The following MYO5B variants were observed in gnomAD, a reference collection of about 807,000 sequenced individuals.
MYO5B encodes myosin VB.
A neutral mutation model predicts 229.3 loss-of-function variants in MYO5B; 143 were observed. The observed-to-expected ratio is 0.62, with a 90% CI of 0.54 to 0.72. MYO5B has a LOEUF of 0.72. Ranked by LOEUF, MYO5B falls within the 30% of genes least tolerant of loss-of-function variation. The pLI is 0.00. For synonymous variants in MYO5B, 918 were observed against 885.2 expected, an observed-to-expected ratio of 1.04 and a Z score of -0.66; for missense variants, 2,321 against 2,331.0, an observed-to-expected ratio of 1.00 and a Z score of 0.09.
chr18:50,136,364 C>CTTTTTT (rs11426659), intron 1 of MYO5B, among the ~76,000 whole-genome samples: 1 of 131,782 alleles, frequency 7.6e-6, no homozygotes, highest in Non-Finnish European at 1.6e-5. Context: ...TTTTTTTTTA[C>CTTTTTT]TTTTTTTTTT....
chr18:50,190,080 T>C (rs1899670266), intron 1 of MYO5B, among the ~76,000 whole-genome samples: 1 of 152,204 alleles, frequency 6.6e-6, no homozygotes, highest in African/African-American at 2.4e-5. Flanking sequence ...CCAGTTTCAA[T>C]TTGATGATTT....
chr18:49,849,126 G>T (rs981665386), intron 32 of MYO5B, among the ~76,000 whole-genome samples: 4 of 152,102 alleles, frequency 2.6e-5, no homozygotes, highest in Non-Finnish European at 5.9e-5. Flanking sequence ...CTTTCTGGAA[G>T]AGTGATTTAA....
At chr18:50,057,306 T>C (rs1360626315) in intron 1 of MYO5B, among the ~76,000 whole-genome samples, 2 of 152,340 alleles carry the variant, frequency 1.3e-5, no homozygotes, top group South Asian at 4.1e-4. Flanking sequence ...TGAGTTCCAC[T>C]CCTGGGACTC....
intron 1 of MYO5B, among the ~76,000 whole-genome samples, chr18:50,130,679 G>A (rs879475997): frequency 1.4e-4 from 22 of 152,262 alleles, no homozygotes; most frequent in South Asian, 1.0e-3. Flanking sequence ...TAAGAACACC[G>A]GTGAAATACA....
intron 12 of MYO5B, among the ~76,000 whole-genome samples, chr18:49,956,716 G>C (rs2025496328): frequency 6.6e-6 from 1 of 152,156 alleles, no homozygotes; most frequent in African/African-American, 2.4e-5. Flanking sequence ...AAGCAACGCA[G>C]AGAGACCACT....
intron 27 of MYO5B, among the ~76,000 whole-genome samples, chr18:49,869,691 A>G (rs1231381416): frequency 6.6e-6 from 1 of 152,142 alleles, no homozygotes; most frequent in Non-Finnish European, 1.5e-5. Flanking sequence ...GGAGTCCGGG[A>G]GGCAGTTTCA....
chr18:49,886,521 G>T (rs2024643496), intron 22 of MYO5B, among the ~76,000 whole-genome samples: 1 of 152,140 alleles, frequency 6.6e-6, no homozygotes, highest in Non-Finnish European at 1.5e-5. Flanking sequence ...GGTATGGAGA[G>T]TCAGGCAAAG....
At chr18:50,036,116 T>C (rs1233183679) in intron 4 of MYO5B, among the ~76,000 whole-genome samples, 1 of 152,228 alleles carries the variant, frequency 6.6e-6, no homozygotes, top group African/African-American at 2.4e-5. Context: ...AAAAGTGTTC[T>C]CTAGAGGTGA....
At chr18:50,160,111 C>A (rs889333667) in intron 1 of MYO5B, among the ~76,000 whole-genome samples, 44 of 152,354 alleles carry the variant, frequency 2.9e-4, no homozygotes, top group African/African-American at 8.4e-4. Context: ...CAACACTTCC[C>A]AGCGGATGAT....
intron 17 of MYO5B, among the ~76,000 whole-genome samples, chr18:49,922,969 T>C (rs1364275859): frequency 6.6e-6 from 1 of 152,088 alleles, no homozygotes; most frequent in Non-Finnish European, 1.5e-5. Flanking sequence ...TCCACGTGGG[T>C]CTAAAGACTT....
At chr18:50,181,371 T>C (rs142147650) in intron 1 of MYO5B, among the ~76,000 whole-genome samples, 1 of 152,326 alleles carries the variant, frequency 6.6e-6, no homozygotes, top group East Asian at 1.9e-4. Context: ...AGCCTAACTG[T>C]AACTCCAGAT....
intron 14 of MYO5B, 61 bp from the exon 15 acceptor site, chr18:49,937,458 C>T: frequency 6.3e-6 from 10 of 1,576,884 alleles, no homozygotes; most frequent in Non-Finnish European, 7.8e-6. Flanking sequence ...CATGTTTCCT[C>T]TCAAAGCTGC....
chr18:49,957,419 A>G (rs2025506127), intron 12 of MYO5B, among the ~76,000 whole-genome samples: 1 of 151,990 alleles, frequency 6.6e-6, no homozygotes. Context: ...AGGTGGGAGG[A>G]TGGCTTGAGC....
chr18:50,112,706 T>C (rs1259902729), intron 1 of MYO5B, among the ~76,000 whole-genome samples: 1 of 152,206 alleles, frequency 6.6e-6, no homozygotes, highest in Admixed American at 6.5e-5. Flanking sequence ...TCTAAGCTGG[T>C]ACACAGTAGC....
intron 21 of MYO5B, among the ~76,000 whole-genome samples, chr18:49,898,305 A>G (rs2024803183): frequency 6.6e-6 from 1 of 152,230 alleles, no homozygotes; most frequent in Non-Finnish European, 1.5e-5. Context: ...TATGGAATCA[A>G]ATTGATTTAA....
intron 1 of MYO5B, among the ~76,000 whole-genome samples, chr18:50,149,635 T>C (rs1197096555): frequency 6.7e-6 from 1 of 149,540 alleles, no homozygotes; most frequent in African/African-American, 2.4e-5. Flanking sequence ...TAGCCATATG[T>C]AGAAAGCTGA....
chr18:50,040,629 A>T (rs1420276697), intron 2 of MYO5B, among the ~76,000 whole-genome samples: 1 of 152,186 alleles, frequency 6.6e-6, no homozygotes, highest in Non-Finnish European at 1.5e-5. Context: ...TCTTTCTTCC[A>T]TCTAGAAAAA....
intron 1 of MYO5B, among the ~76,000 whole-genome samples, chr18:50,121,002 A>T (rs1221424660): frequency 6.6e-6 from 1 of 152,162 alleles, no homozygotes; most frequent in Non-Finnish European, 1.5e-5. Flanking sequence ...CAAGACCAGC[A>T]ACTTACGGCC....
chr18:50,072,038 GTCA>G (rs2030968675), intron 1 of MYO5B, among the ~76,000 whole-genome samples: 2 of 152,212 alleles, frequency 1.3e-5, no homozygotes, highest in African/African-American at 4.8e-5. Flanking sequence ...GGAGCTAGAA[GTCA>G]TCAAGGTCTC....
Sources: allele counts gnomAD v4.1 joint callset (sites outside exome capture counted in the v4.1 genomes callset), GRCh38; gene constraint gnomAD v4.1.1; transcripts MANE v1.5; gene names NCBI Gene and HGNC (gene_info 2026-07-23, HGNC 2026-07-21).